EFCAB5: variants seen among roughly 807,000 people sequenced by gnomAD.
EFCAB5 encodes EF-hand calcium-binding domain-containing protein 5.
In EFCAB5, 131 loss-of-function variants were observed where a neutral mutation model predicts 167.9. The ratio of observed to expected loss-of-function variants is 0.78; its 90% CI spans 0.68 to 0.90. The LOEUF (loss-of-function observed/expected upper bound fraction) is 0.90, where lower values mean the gene tolerates loss of function less well. Ranked by LOEUF, EFCAB5 falls within the 40% of genes least tolerant of loss-of-function variation. The pLI is 0.00. For missense variants in EFCAB5, 1,663 were observed against 1,745.2 expected (o/e 0.95, Z 0.84); for synonymous variants, 574 against 602.8 (o/e 0.95, Z 0.70).
At chr17:30,039,897 C>T (rs2069723145) in intron 8 of EFCAB5, among the ~76,000 whole-genome samples, 1 of 152,152 alleles carries the variant, frequency 6.6e-6, no homozygotes, top group Admixed American at 6.5e-5. Context: ...TGAAATCAAG[C>T]CACACCTCAC....
chr17:29,934,126 G>T (rs1361375740), intron 1 of EFCAB5, among the ~76,000 whole-genome samples: 1 of 152,090 alleles, frequency 6.6e-6, no homozygotes, highest in Non-Finnish European at 1.5e-5. Context: ...TTTTTATACA[G>T]GATTTTATGA....
rs200670086 is a variant in EFCAB5 at position 30,097,061 on chromosome 17, T to TACATATA, written c.4321+4125_4321+4126insACATATA. Among the ~76,000 whole-genome samples, 25 of 51,128 alleles carry TACATATA rather than the reference T, an allele frequency of 4.9e-4. 1 individual carries two copies. The highest frequency in any genetic ancestry group is 3.0e-3 in the African/African-American group (21 of 7,064). The allele number at this position is 51,128 out of a possible 152,430, so 33.5% of individuals were successfully genotyped here. A position where few individuals can be genotyped will look rare whatever the true frequency, so the allele number is the denominator to read the frequency against. On this transcript the variant is annotated intron_variant, in intron 22 of 22. Transcript: ENST00000394835. ...ACATATACATATACATATATATATA[T>TACATATA]TTTTTTTTTTTTGAGATGGAGTTTC...
At chr17:30,041,420 G>A (rs564082609) in intron 8 of EFCAB5, among the ~76,000 whole-genome samples, 1 of 152,316 alleles carries the variant, frequency 6.6e-6, no homozygotes, top group South Asian at 2.1e-4. Flanking sequence ...TATAAATGGA[G>A]CCTGCAGATG....
intron 3 of EFCAB5, among the ~76,000 whole-genome samples, chr17:29,955,573 G>T (rs2067598330): frequency 1.3e-5 from 2 of 151,952 alleles, no homozygotes; most frequent in African/African-American, 2.4e-5. Flanking sequence ...TCTGGGATAT[G>T]CCTTTATTAG....
rs556094061 is a variant in EFCAB5 at position 29,942,158 on chromosome 17, G to T, written c.43-82G>T. On this transcript the variant is annotated intron_variant, in intron 1 of 22. Coordinates refer to ENST00000394835, the MANE Select transcript of EFCAB5 (RefSeq NM_198529.4). ...TATGTGAAATTTTTAAAAATTAAAA[G>T]CTTACTGTATTAAAGTATGAGACAG... 28 of 1,195,242 alleles carry T rather than the reference G, an allele frequency of 2.3e-5. No individual in the cohort carries two copies. The East Asian group carries it at 5.5e-4, about 23-fold the overall frequency. The allele number at this position is 1,195,242 out of a possible 1,614,324, so 74.0% of individuals were successfully genotyped here.
rs141996600 is a variant in EFCAB5 at position 30,049,404 on chromosome 17, C to T, written c.1201-1714C>T. Among the ~76,000 whole-genome samples the T allele has an allele frequency of 4.1e-3, 628 of 151,874 alleles. 5 individuals carry two copies. The highest frequency in any genetic ancestry group is 0.014 in the African/African-American group (593 of 41,418). On this transcript the variant is annotated intron_variant, in intron 8 of 22. Coordinates refer to ENST00000394835, the MANE Select transcript of EFCAB5 (RefSeq NM_198529.4). ...CTGAGGCAGGAGAATTGCTTGAACCCGGGAGGCGGAGGTTGCAGTGAGCCG... is the reference window on the plus strand; with the variant it reads ...CTGAGGCAGGAGAATTGCTTGAACCTGGGAGGCGGAGGTTGCAGTGAGCCG...
At chr17:30,079,923 C>A in intron 15 of EFCAB5, 149 bp from the exon 16 acceptor site, 1 of 890,090 alleles carries the variant, frequency 1.1e-6, no homozygotes, top group East Asian at 2.8e-5. Flanking sequence ...AACCTTTTCC[C>A]CACTGCCCAT....
At chr17:29,968,084 T>C (rs1367572067) in intron 3 of EFCAB5, among the ~76,000 whole-genome samples, 2 of 152,064 alleles carry the variant, frequency 1.3e-5, no homozygotes, top group African/African-American at 4.8e-5. Flanking sequence ...TAATGTTGCG[T>C]AGGCTGGTCT....
chr17:29,953,801 CAGAAAGTTGTG>C (rs1279288106), intron 3 of EFCAB5, among the ~76,000 whole-genome samples: 1 of 152,186 alleles, frequency 6.6e-6, no homozygotes, highest in Non-Finnish European at 1.5e-5. Context: ...CAGAAGAAGT[CAGAAAGTTGTG>C]GGAAAGTTGG....
At chr17:29,980,815 A>G (rs1468991309) in intron 4 of EFCAB5, among the ~76,000 whole-genome samples, 1 of 152,178 alleles carries the variant, frequency 6.6e-6, no homozygotes, top group Non-Finnish European at 1.5e-5. Flanking sequence ...ACATCCAACT[A>G]TTTATTCAAT....
chr17:30,086,939 C>A, intron 18 of EFCAB5, 124 bp from the exon 19 acceptor site: 1 of 726,754 alleles, frequency 1.4e-6, no homozygotes, highest in Non-Finnish European at 2.2e-6. Flanking sequence ...AGTAAAATGT[C>A]ACTGTCCTTA....
At chr17:30,086,960 T>C in intron 18 of EFCAB5, 103 bp from the exon 19 acceptor site, 1 of 901,796 alleles carries the variant, frequency 1.1e-6, no homozygotes, top group South Asian at 1.7e-5. Context: ...AAGCCAGAGG[T>C]CATCTAAGCT....
intron 5 of EFCAB5, 23 bp from the exon 6 acceptor site, chr17:29,996,289 T>G: frequency 1.3e-6 from 2 of 1,540,346 alleles, no homozygotes; most frequent in Non-Finnish European, 1.8e-6. Context: ...GTTTCTTTCT[T>G]TTTTTCCTCT....
chr17:30,030,179 C>T (rs577280127), intron 7 of EFCAB5, among the ~76,000 whole-genome samples: 25 of 152,276 alleles, frequency 1.6e-4, no homozygotes, highest in East Asian at 3.9e-4. Context: ...TAGTTGATAT[C>T]GCCAACTGTT....
intron 4 of EFCAB5, among the ~76,000 whole-genome samples, chr17:29,982,732 C>T (rs1189082088): frequency 2.6e-5 from 4 of 152,100 alleles, no homozygotes; most frequent in Admixed American, 2.0e-4. Context: ...ACTGAGGTCA[C>T]TCAAAGTTCA....
At chr17:29,934,095 T>C (rs1287280284) in intron 1 of EFCAB5, among the ~76,000 whole-genome samples, 2 of 152,210 alleles carry the variant, frequency 1.3e-5, no homozygotes, top group Non-Finnish European at 2.9e-5. Flanking sequence ...AAACCTGAGA[T>C]TGCTTCTGTA....
chr17:30,080,753 C>CT lies in EFCAB5; in HGVS notation c.3201dup (p.Thr1068TyrfsTer5). The CT allele has an allele frequency of 6.3e-7, 1 of 1,593,810 alleles. No individual in the cohort carries two copies. Among genetic ancestry groups the CT allele is most frequent in the Non-Finnish European group, 8.6e-7 (1 of 1,169,056 alleles). ...CCATCCTCATACTCTTTTTCCTCAG[C>CT]TTTACAGTAGTGGATGAAGGGAAGC... On this transcript the variant is annotated frameshift_variant and splice_region_variant, in exon 17 of 23. Transcript: ENST00000394835. LOFTEE classifies it high-confidence loss of function.
chr17:30,054,279 T>G, intron 10 of EFCAB5, 131 bp downstream of exon 10: 3 of 1,179,840 alleles, frequency 2.5e-6, no homozygotes, highest in Non-Finnish European at 3.5e-6. Context: ...CTCAGGCATA[T>G]TTTGCTGCTC....
chr17:29,981,838 A>C (rs1367279772), intron 4 of EFCAB5, among the ~76,000 whole-genome samples: 1 of 152,154 alleles, frequency 6.6e-6, no homozygotes, highest in African/African-American at 2.4e-5. Context: ...TAACTTTGAA[A>C]TATCTGGAAT....
Sources: gnomAD v4.1 joint callset for allele counts (sites outside exome capture counted in the v4.1 genomes callset) on GRCh38, gnomAD v4.1.1 for gene constraint, MANE v1.5 for transcripts, NCBI Gene and HGNC (gene_info 2026-07-23, HGNC 2026-07-21) for gene names.